The following TTC17 variants were observed in gnomAD, a reference collection of about 807,000 sequenced individuals.
TTC17 encodes tetratricopeptide repeat domain 17.
Under a neutral mutation model 143.8 loss-of-function variants are expected in TTC17, and 58 were observed. The ratio of observed to expected loss-of-function variants is 0.40; its 90% CI spans 0.33 to 0.50. The LOEUF (loss-of-function observed/expected upper bound fraction) is 0.50. TTC17 is among the 20% of genes least tolerant of loss of function. TTC17 has a pLI of 0.49. For missense variants in TTC17, 1,273 were observed against 1,392.5 expected (o/e 0.91, Z 1.37); for synonymous variants, 501 against 497.8 (o/e 1.01, Z -0.09).
At chr11:43,458,845 A>T (rs182277403) in intron 21 of TTC17, among the ~76,000 whole-genome samples, 1 of 152,174 alleles carries the variant, frequency 6.6e-6, no homozygotes, top group Admixed American at 6.5e-5. Context: ...CACAACTTCT[A>T]TTACAGTGTA....
chr11:43,412,172 A>G (rs139490013), intron 15 of TTC17, among the ~76,000 whole-genome samples: 2 of 152,194 alleles, frequency 1.3e-5, no homozygotes, highest in African/African-American at 4.8e-5. Context: ...TACAAAGTAC[A>G]CTGTTTACAA....
At chr11:43,461,906 A>G (rs1197318397) in intron 21 of TTC17, among the ~76,000 whole-genome samples, 1 of 152,204 alleles carries the variant, frequency 6.6e-6, no homozygotes, top group Non-Finnish European at 1.5e-5. Context: ...TTATTTTTAA[A>G]TGTAACTTAA....
chr11:43,359,127 C>A lies in TTC17; in HGVS notation c.159+14C>A. ...ATCCAGCAGCAGGTAGCGGCCGGGG[C>A]GTCCCTCTTCTCCCGTGCCCGCCCT... On this transcript the variant is annotated intron_variant, in intron 1 of 23. Transcript: ENST00000039989. The A allele has an allele frequency of 1.3e-6, 2 of 1,573,066 alleles. No homozygotes were observed. Among genetic ancestry groups the A allele is most frequent in the Non-Finnish European group, 1.7e-6 (2 of 1,162,026 alleles).
Position 43,450,060 on chromosome 11 carries a change from TGTG to T in TTC17, c.2787-19_2787-17del. 2.5e-6 allele frequency: 4 copies of T among 1,606,970 alleles called. No homozygotes were observed. Among genetic ancestry groups the T allele is most frequent in the Non-Finnish European group, 3.4e-6 (4 of 1,176,124 alleles). On this transcript the variant is annotated intron_variant, in intron 19 of 23. Coordinates refer to ENST00000039989, the MANE Select transcript of TTC17 (RefSeq NM_018259.6). ...CCACTCAAAAATTTCCCATAGCTAA[TGTG>T]GTAATCTCCATTTTTCAGCATCACA... is the stretch of plus-strand genomic sequence containing the variant.
intron 17 of TTC17, 58 bp from the exon 18 acceptor site, chr11:43,443,998 A>G (rs962263505): frequency 4.4e-5 from 68 of 1,530,784 alleles, no homozygotes; most frequent in South Asian, 2.8e-4. Flanking sequence ...GTATTCACAA[A>G]TCATTGACAG....
At chr11:43,397,114 A>T in intron 6 of TTC17, 1 of 493,396 alleles carries the variant, frequency 2.0e-6, no homozygotes, top group Non-Finnish European at 3.5e-6. Context: ...TTCTTAAAGC[A>T]AATATAAGCC....
intron 1 of TTC17, chr11:43,359,332 C>G (rs1371902779): frequency 1.8e-6 from 1 of 549,082 alleles, no homozygotes; most frequent in Admixed American, 4.4e-5. Context: ...GAAGTTCTCA[C>G]CCTTCCACCT....
intron 21 of TTC17, among the ~76,000 whole-genome samples, chr11:43,477,870 G>A (rs75865817): frequency 0.012 from 1,796 of 152,144 alleles, 26 homozygotes; most frequent in African/African-American, 0.039. Flanking sequence ...GGAATATTAC[G>A]ATTAATAAAC....
intron 5 of TTC17, among the ~76,000 whole-genome samples, chr11:43,393,671 T>G (rs1437287183): frequency 6.6e-6 from 1 of 152,186 alleles, no homozygotes; most frequent in African/African-American, 2.4e-5. Context: ...CCTTGGCTTT[T>G]CTGGGACCAG....
chr11:43,406,420 T>TC (rs1858135011), intron 13 of TTC17, among the ~76,000 whole-genome samples: 1 of 152,152 alleles, frequency 6.6e-6, no homozygotes, highest in South Asian at 2.1e-4. Context: ...CATTAGAAGT[T>TC]CAATTATGCT....
chr11:43,402,045 A>C (rs1857886870), intron 10 of TTC17, among the ~76,000 whole-genome samples: 1 of 151,806 alleles, frequency 6.6e-6, no homozygotes, highest in Non-Finnish European at 1.5e-5. Context: ...CGAGAGAGAG[A>C]TTTTGATTAT....
intron 7 of TTC17, among the ~76,000 whole-genome samples, chr11:43,397,736 A>G (rs1297904391): frequency 6.6e-6 from 1 of 152,166 alleles, no homozygotes; most frequent in African/African-American, 2.4e-5. Flanking sequence ...TTTTAAGGTT[A>G]GCAATACCTG....
chr11:43,362,910 C>G (rs1225615977), intron 1 of TTC17, among the ~76,000 whole-genome samples: 1 of 152,214 alleles, frequency 6.6e-6, no homozygotes, highest in South Asian at 2.1e-4. Flanking sequence ...CACTAAGTTC[C>G]TTTTCCACTG....
chr11:43,474,793 A>G (rs1028616718), intron 21 of TTC17, among the ~76,000 whole-genome samples: 1 of 152,234 alleles, frequency 6.6e-6, no homozygotes, highest in Non-Finnish European at 1.5e-5. Flanking sequence ...TGGTTAATAC[A>G]TATTTTATAT....
intron 1 of TTC17, among the ~76,000 whole-genome samples, chr11:43,374,400 C>T (rs1006157851): frequency 1.3e-5 from 2 of 152,056 alleles, no homozygotes; most frequent in Non-Finnish European, 1.5e-5. Flanking sequence ...AAAGCAATTG[C>T]AACAAACCAG....
chr11:43,436,483 C>A, intron 16 of TTC17: 1 of 641,524 alleles, frequency 1.6e-6, no homozygotes, highest in Non-Finnish European at 2.2e-6. Flanking sequence ...GGTGGTGAGG[C>A]AGAAGACAAG....
intron 15 of TTC17, among the ~76,000 whole-genome samples, chr11:43,414,266 G>T (rs181262664): frequency 9.7e-4 from 147 of 152,182 alleles, no homozygotes; most frequent in Non-Finnish European, 1.8e-3. Flanking sequence ...CACAACAATG[G>T]TTACTTCTGG....
intron 23 of TTC17, among the ~76,000 whole-genome samples, chr11:43,493,456 G>A (rs1948506710): frequency 6.6e-6 from 1 of 152,142 alleles, no homozygotes; most frequent in South Asian, 2.1e-4. Context: ...AGGCACTCAG[G>A]AATGTTAGGT....
intron 2 of TTC17, among the ~76,000 whole-genome samples, chr11:43,383,014 C>G (rs1590331201): frequency 6.6e-6 from 1 of 152,070 alleles, no homozygotes; most frequent in Non-Finnish European, 1.5e-5. Context: ...ATCTTCCTGC[C>G]TCAGCCTCTT....
Sources: allele counts gnomAD v4.1 joint callset (sites outside exome capture counted in the v4.1 genomes callset), GRCh38; gene constraint gnomAD v4.1.1; transcripts MANE v1.5; gene names NCBI Gene and HGNC (gene_info 2026-07-23, HGNC 2026-07-21).